Variants in PDE1A observed in about 807,000 individuals in gnomAD.
The protein encoded by PDE1A is dual specificity calcium/calmodulin-dependent 3',5'-cyclic nucleotide phosphodiesterase 1A.
In PDE1A, 35 loss-of-function variants were observed where a neutral mutation model predicts 61.7. The ratio of observed to expected loss-of-function variants is 0.57; its 90% CI spans 0.43 to 0.75. The LOEUF is 0.75. PDE1A is among the 30% of genes least tolerant of loss of function. The pLI, the probability that PDE1A is intolerant of heterozygous loss-of-function variation, is 0.00. For missense variants in PDE1A, 597 were observed against 630.6 expected, an observed-to-expected ratio of 0.95 and a Z score of 0.57; for synonymous variants, 232 against 213.2, an observed-to-expected ratio of 1.09 and a Z score of -0.77.
At chr2:182,206,928 C>G (rs974518017) in intron 7 of PDE1A, among the ~76,000 whole-genome samples, 1 of 152,188 alleles carries the variant, frequency 6.6e-6, no homozygotes, top group East Asian at 1.9e-4. Context: ...CCTGAGGACT[C>G]CCAGCCATGC....
chr2:182,610,656 G>T, the PDE1A span, among the ~76,000 whole-genome samples: 2 of 151,768 alleles, frequency 1.3e-5, no homozygotes, highest in African/African-American at 2.4e-5. Flanking sequence ...AAAAGCTAGG[G>T]TTAAATAAAA....
At chr2:182,525,513 G>T (rs192361310), upstream of PDE1A, among the ~76,000 whole-genome samples, 330 of 152,244 alleles carry the variant, frequency 2.2e-3, 2 homozygotes, top group African/African-American at 7.0e-3. Flanking sequence ...GGCCTGGTGG[G>T]AGGTGATTGG....
chr2:182,262,456 G>T, intron 2 of PDE1A, among the ~76,000 whole-genome samples: 1 of 152,136 alleles, frequency 6.6e-6, no homozygotes, highest in South Asian at 2.1e-4. Context: ...TTGTAGAGAT[G>T]AGGTTTTGCT....
chr2:182,288,027 AAG>A (rs1207921249), intron 1 of PDE1A, among the ~76,000 whole-genome samples: 11 of 151,548 alleles, frequency 7.3e-5, no homozygotes, highest in African/African-American at 2.2e-4. Flanking sequence ...AAAAATTAAA[AAG>A]AGTTTTACAA....
intron 2 of PDE1A, among the ~76,000 whole-genome samples, chr2:182,493,361 C>T (rs1028823648): frequency 5.3e-5 from 8 of 151,572 alleles, no homozygotes; most frequent in Non-Finnish European, 1.2e-4. Context: ...TATCCATGTG[C>T]CGTGTTGGTG....
At chr2:182,629,956 T>C in the PDE1A span, among the ~76,000 whole-genome samples, 159 of 152,268 alleles carry the variant, frequency 1.0e-3, 1 homozygote, top group South Asian at 0.016. Context: ...ATATAAATGT[T>C]AGTTTAATTT....
chr2:182,573,555 T>C, the PDE1A span, among the ~76,000 whole-genome samples: 1 of 152,024 alleles, frequency 6.6e-6, no homozygotes, highest in Non-Finnish European at 1.5e-5. Flanking sequence ...TCTTAATAGA[T>C]CCTGGTTTGA....
chr2:182,244,191 C>T (rs1690777416), intron 2 of PDE1A, among the ~76,000 whole-genome samples: 2 of 152,070 alleles, frequency 1.3e-5, no homozygotes, highest in South Asian at 4.1e-4. Flanking sequence ...TTAATGTTTT[C>T]TCAGACTATA....
chr2:182,250,348 A>G (rs2125727786), intron 2 of PDE1A, among the ~76,000 whole-genome samples: 1 of 152,332 alleles, frequency 6.6e-6, no homozygotes, highest in Non-Finnish European at 1.5e-5. Flanking sequence ...ACAAAATTTC[A>G]GGACACTTTG....
intron 1 of PDE1A, among the ~76,000 whole-genome samples, chr2:182,285,923 C>G (rs1422070532): frequency 6.6e-6 from 1 of 152,082 alleles, no homozygotes; most frequent in African/African-American, 2.4e-5. Context: ...AACTCCACTA[C>G]TTATCATGAA....
At chr2:182,244,187 T>A (rs932970955) in intron 2 of PDE1A, among the ~76,000 whole-genome samples, 2 of 152,140 alleles carry the variant, frequency 1.3e-5, no homozygotes, top group Non-Finnish European at 2.9e-5. Context: ...ATTATTAATG[T>A]TTTCTCAGAC....
the PDE1A span, among the ~76,000 whole-genome samples, chr2:182,701,369 A>C: frequency 7.1e-6 from 1 of 140,670 alleles, no homozygotes; most frequent in Non-Finnish European, 1.5e-5. Flanking sequence ...CTTTTATCCT[A>C]AACGTTAAGG....
chr2:182,255,659 CTT>C (rs1303654382), intron 2 of PDE1A, among the ~76,000 whole-genome samples: 15 of 133,524 alleles, frequency 1.1e-4, no homozygotes, highest in Non-Finnish European at 1.6e-4. Context: ...TCTTTCTTTT[CTT>C]TTTTTTTTTT....
At chr2:182,352,656 T>G (rs187627942) in intron 1 of PDE1A, among the ~76,000 whole-genome samples, 11 of 151,958 alleles carry the variant, frequency 7.2e-5, no homozygotes, top group African/African-American at 1.9e-4. Flanking sequence ...CTCTGTTGTT[T>G]TTTTTTTTTC....
At chr2:182,578,095 AT>A in the PDE1A span, among the ~76,000 whole-genome samples, 1 of 152,146 alleles carries the variant, frequency 6.6e-6, no homozygotes, top group Non-Finnish European at 1.5e-5. Flanking sequence ...TTCTTTTTCC[AT>A]TTTCTGAACC....
chr2:182,243,672 T>G (rs1001864509), intron 2 of PDE1A, among the ~76,000 whole-genome samples: 2 of 152,196 alleles, frequency 1.3e-5, no homozygotes, highest in Non-Finnish European at 2.9e-5. Context: ...ATGTGCATGC[T>G]GTGAGAGGAA....
chr2:182,460,992 C>T (rs1686246395), intron 2 of PDE1A, among the ~76,000 whole-genome samples: 1 of 152,198 alleles, frequency 6.6e-6, no homozygotes, highest in East Asian at 1.9e-4. Flanking sequence ...GTCAAATGAA[C>T]TAAGGAAAAA....
intron 1 of PDE1A, among the ~76,000 whole-genome samples, chr2:182,356,608 G>C (rs561630755): frequency 7.3e-4 from 111 of 151,858 alleles, no homozygotes; most frequent in African/African-American, 2.5e-3. Context: ...AAATTAGTGG[G>C]GTGTGGTCCC....
the PDE1A span, among the ~76,000 whole-genome samples, chr2:182,680,587 T>G: frequency 6.6e-6 from 1 of 152,154 alleles, no homozygotes; most frequent in Non-Finnish European, 1.5e-5. Flanking sequence ...GAAATTTGCT[T>G]GTGAAAGTGT....
Sources: gnomAD v4.1 joint callset for allele counts (sites outside exome capture counted in the v4.1 genomes callset) on GRCh38, gnomAD v4.1.1 for gene constraint, MANE v1.5 for transcripts, NCBI Gene and HGNC (gene_info 2026-07-23, HGNC 2026-07-21) for gene names.